DLGAP2: variants seen among roughly 807,000 people sequenced by gnomAD.
The protein encoded by DLGAP2 is disks large-associated protein 2.
Under a neutral mutation model 100.3 loss-of-function variants are expected in DLGAP2, and 26 were observed. That is an observed-to-expected ratio of 0.26 (90% CI 0.19 to 0.36). DLGAP2 has a LOEUF of 0.36. Ranked by LOEUF, DLGAP2 falls within the 10% of genes least tolerant of loss-of-function variation. The pLI is 1.00. For synonymous variants in DLGAP2, 886 were observed against 630.1 expected, an observed-to-expected ratio of 1.41 and a Z score of -6.08; for missense variants, 1,858 against 1,453.2, an observed-to-expected ratio of 1.28 and a Z score of -4.53.
intron 3 of DLGAP2, among the ~76,000 whole-genome samples, chr8:1,271,925 C>T (rs972872490): frequency 1.3e-5 from 2 of 152,216 alleles, no homozygotes; most frequent in Non-Finnish European, 2.9e-5. Context: ...ATTCTCCTGC[C>T]TCAGCTTCCC....
chr8:1,386,087 A>G (rs959053235), intron 3 of DLGAP2, among the ~76,000 whole-genome samples: 1 of 152,252 alleles, frequency 6.6e-6, no homozygotes, highest in African/African-American at 2.4e-5. Context: ...GAAAACAACA[A>G]TCTCCCAGAA....
chr8:928,480 C>T lies in DLGAP2; in HGVS notation c.73+20514C>T, dbSNP rs142494579. Among the ~76,000 whole-genome samples the T allele has an allele frequency of 3.9e-3, 588 of 152,246 alleles. 8 individuals carry two copies. The highest frequency in any genetic ancestry group is 0.014 in the African/African-American group (566 of 41,540). On this transcript the variant is annotated intron_variant, in intron 2 of 14. Transcript: ENST00000637795. ...TGAGGAACAGGTCCCCAGCTTGGTG[C>T]TCAGGTGCCTGTTTGATTCTTGTGG...
chr8:1,462,065 TTTGGGTTGGGAGAAG>T, intron 3 of DLGAP2, among the ~76,000 whole-genome samples: 1 of 61,516 alleles, frequency 1.6e-5, no homozygotes, highest in Non-Finnish European at 2.8e-5. Flanking sequence ...AAGGGCGGCA[TTTGGGTTGGGAGAAG>T]GTGCTGCTGT....
At chr8:1,191,229 T>G (rs920901492) in intron 2 of DLGAP2, among the ~76,000 whole-genome samples, 9 of 104,756 alleles carry the variant, frequency 8.6e-5, no homozygotes, top group Non-Finnish European at 1.7e-4. Context: ...TGGAGTACAG[T>G]GGCGCGATCT....
At chr8:1,504,123 C>T (rs1799819290) in intron 4 of DLGAP2, among the ~76,000 whole-genome samples, 1 of 151,454 alleles carries the variant, frequency 6.6e-6, no homozygotes, top group South Asian at 2.1e-4. Flanking sequence ...AGTTTAAAAA[C>T]ATACCAGTGC....
intron 6 of DLGAP2, among the ~76,000 whole-genome samples, chr8:1,610,843 A>G (rs1351724091): frequency 3.4e-5 from 5 of 145,382 alleles, no homozygotes. Flanking sequence ...AACCAGGAAG[A>G]AGTTGAATCT....
intron 3 of DLGAP2, among the ~76,000 whole-genome samples, chr8:1,370,735 T>C (rs2129704251): frequency 6.6e-6 from 1 of 152,286 alleles, no homozygotes. Flanking sequence ...GCTTTGCTGG[T>C]GTATGTAGGA....
chr8:755,358 G>C (rs148937711), intron 1 of DLGAP2, among the ~76,000 whole-genome samples: 1 of 152,048 alleles, frequency 6.6e-6, no homozygotes, highest in African/African-American at 2.4e-5. Context: ...TCAGCTACTC[G>C]GGAGATGGGA....
chr8:1,690,454 C>G (rs1204987079), intron 12 of DLGAP2, among the ~76,000 whole-genome samples: 1 of 151,894 alleles, frequency 6.6e-6, no homozygotes, highest in East Asian at 1.9e-4. Flanking sequence ...CCTGTAATCC[C>G]AGCTTTTTGG....
At chr8:1,658,130 C>A (rs1202933466) in intron 8 of DLGAP2, among the ~76,000 whole-genome samples, 2 of 152,094 alleles carry the variant, frequency 1.3e-5, no homozygotes, top group Non-Finnish European at 2.9e-5. Context: ...GGCCCTCCCA[C>A]CCTCGTCTTT....
chr8:1,328,233 G>A (rs947946622), intron 3 of DLGAP2, among the ~76,000 whole-genome samples: 28 of 151,814 alleles, frequency 1.8e-4, no homozygotes, highest in African/African-American at 6.3e-4. Flanking sequence ...GTTGAGACAG[G>A]ATTTCACCTC....
intron 3 of DLGAP2, among the ~76,000 whole-genome samples, chr8:1,464,400 T>TCCTTCCAGGACGACAC (rs1798561018): frequency 9.2e-5 from 3 of 32,528 alleles, no homozygotes; most frequent in South Asian, 1.5e-3. Context: ...CGGAATGGCA[T>TCCTTCCAGGACGACAC]CCTTCCAGGA....
intron 2 of DLGAP2, among the ~76,000 whole-genome samples, chr8:1,093,454 C>A (rs1297212341): frequency 6.6e-6 from 1 of 152,048 alleles, no homozygotes; most frequent in Non-Finnish European, 1.5e-5. Flanking sequence ...GAAACACTTT[C>A]ACACCAACAG....
intron 2 of DLGAP2, among the ~76,000 whole-genome samples, chr8:1,231,705 A>T (rs902491172): frequency 9.8e-5 from 15 of 152,328 alleles, no homozygotes; most frequent in South Asian, 4.1e-4. Flanking sequence ...AGGTCATTAT[A>T]CTAAAAGAAC....
intron 1 of DLGAP2, among the ~76,000 whole-genome samples, chr8:790,735 GA>G (rs373774046): frequency 1.1e-4 from 16 of 152,148 alleles, no homozygotes; most frequent in African/African-American, 3.6e-4. Context: ...ACCTTCATGT[GA>G]AAAGATTTTT....
At chr8:1,685,405 G>A (rs1362778377) in intron 12 of DLGAP2, among the ~76,000 whole-genome samples, 1 of 152,172 alleles carries the variant, frequency 6.6e-6, no homozygotes, top group African/African-American at 2.4e-5. Context: ...CCAGCCTTAG[G>A]GGTCAATGTA....
chr8:1,580,766 A>G (rs1251281231), intron 6 of DLGAP2, among the ~76,000 whole-genome samples: 2 of 151,634 alleles, frequency 1.3e-5, no homozygotes, highest in African/African-American at 4.9e-5. Flanking sequence ...ACCAGAAGTG[A>G]AGGATACAGA....
intron 2 of DLGAP2, among the ~76,000 whole-genome samples, chr8:1,162,176 G>A (rs1457956982): frequency 6.6e-6 from 1 of 152,238 alleles, no homozygotes; most frequent in Non-Finnish European, 1.5e-5. Flanking sequence ...GGCCAGTGCT[G>A]CAGAACTCGG....
At chr8:917,890 CT>C (rs1798629406) in intron 2 of DLGAP2, among the ~76,000 whole-genome samples, 1 of 152,094 alleles carries the variant, frequency 6.6e-6, no homozygotes, top group Admixed American at 6.5e-5. Context: ...CCAGAGTATT[CT>C]TTTGTGAGGT....
Sources: allele counts gnomAD v4.1 joint callset (sites outside exome capture counted in the v4.1 genomes callset), GRCh38; gene constraint gnomAD v4.1.1; transcripts MANE v1.5; gene names NCBI Gene and HGNC (gene_info 2026-07-23, HGNC 2026-07-21).